The following TAOK1 variants were observed in gnomAD, a reference collection of about 807,000 sequenced individuals.
TAOK1 encodes the protein TAO kinase 1, also known as serine/threonine-protein kinase TAO1.
Under a neutral mutation model 138.3 loss-of-function variants are expected in TAOK1, and 21 were observed. That is an observed-to-expected ratio of 0.15 (90% CI 0.11 to 0.22). The LOEUF is 0.22. TAOK1 is among the 10% of genes least tolerant of loss of function. TAOK1 has a pLI of 1.00. For missense variants in TAOK1, 651 were observed against 1,227.7 expected (o/e 0.53, Z 7.02); for synonymous variants, 361 against 398.4 (o/e 0.91, Z 1.12).
chr17:29,430,287 C>A (rs147768509), intron 1 of TAOK1, among the ~76,000 whole-genome samples: 1 of 152,004 alleles, frequency 6.6e-6, no homozygotes, highest in Non-Finnish European at 1.5e-5. Context: ...GTTCAAATAC[C>A]CCCTAGAAGT....
At chr17:29,438,136 C>G (rs570972698) in intron 1 of TAOK1, among the ~76,000 whole-genome samples, 36 of 152,148 alleles carry the variant, frequency 2.4e-4, no homozygotes, top group African/African-American at 8.2e-4. Flanking sequence ...ACAAAACATT[C>G]ATATGTATAA....
intron 1 of TAOK1, among the ~76,000 whole-genome samples, chr17:29,393,741 A>G (rs1904501972): frequency 6.6e-6 from 1 of 152,202 alleles, no homozygotes; most frequent in African/African-American, 2.4e-5. Context: ...TAGGTGGAAG[A>G]ATTTCTGAGA....
At chr17:29,412,039 TTCTC>T (rs1050466609) in intron 1 of TAOK1, among the ~76,000 whole-genome samples, 4 of 151,494 alleles carry the variant, frequency 2.6e-5, no homozygotes, top group African/African-American at 9.7e-5. Context: ...CTCTCTCTCT[TTCTC>T]TCTCTCTTTC....
At chr17:29,536,481 T>C (rs2032225234) in intron 19 of TAOK1, among the ~76,000 whole-genome samples, 2 of 149,138 alleles carry the variant, frequency 1.3e-5, no homozygotes, top group South Asian at 4.2e-4. Flanking sequence ...GTGCCTATAG[T>C]CCCAACTACT....
At chr17:29,510,771 T>C in intron 14 of TAOK1, 93 bp from the exon 15 acceptor site, 3 of 924,222 alleles carry the variant, frequency 3.2e-6, no homozygotes, top group Non-Finnish European at 4.5e-6. Context: ...GATTTCTTGT[T>C]CTTAGAAAAT....
intron 19 of TAOK1, 66 bp downstream of exon 19, chr17:29,534,366 A>G (rs2032186696): frequency 7.3e-7 from 1 of 1,362,956 alleles, no homozygotes; most frequent in African/African-American, 1.5e-5. Context: ...TTTTATAAAT[A>G]TATTTTCATG....
chr17:29,531,985 C>G (rs990434901), intron 18 of TAOK1, among the ~76,000 whole-genome samples: 7 of 151,830 alleles, frequency 4.6e-5, no homozygotes, highest in African/African-American at 7.3e-5. Context: ...CTCAGCCTCC[C>G]GAATAGCTGA....
intron 1 of TAOK1, among the ~76,000 whole-genome samples, chr17:29,449,818 G>A (rs909992007): frequency 4.6e-5 from 7 of 152,190 alleles, no homozygotes; most frequent in East Asian, 1.9e-4. Context: ...TCCAGCCTGG[G>A]TGACAGAGTG....
Position 29,530,591 on chromosome 17 carries a change from G to A in TAOK1, c.2333G>A (p.Ser778Asn), listed in dbSNP as rs765037023. Residue 778 changes from serine (S) to asparagine (N), a missense_variant, in exon 18 of 20, where the codon AGC (serine) becomes AAC (asparagine). Transcript: ENST00000261716. ...LAILAEQYDH[S>N]INEMLSTQAL... ...ATCTTGGCTGAGCAGTATGATCACA[G>A]CATTAATGAAATGCTCTCCACACAA... is the stretch of plus-strand genomic sequence containing the variant. 1 of 1,614,120 alleles carries A rather than the reference G, an allele frequency of 6.2e-7. No individual in the cohort carries two copies.
At chr17:29,482,451 T>A (rs147645886) in intron 8 of TAOK1, among the ~76,000 whole-genome samples, 163 bp downstream of exon 8, 2 of 152,330 alleles carry the variant, frequency 1.3e-5, no homozygotes, top group African/African-American at 4.8e-5. Context: ...GTAAGTTTTA[T>A]TTATATTAGG....
intron 8 of TAOK1, 83 bp downstream of exon 8, chr17:29,482,371 G>T: frequency 9.2e-7 from 1 of 1,085,182 alleles, no homozygotes; most frequent in Non-Finnish European, 1.4e-6. Flanking sequence ...AAAAATTATA[G>T]ATTTTTATCT....
At position 29,518,802 on chromosome 17, in the gene TAOK1, T is replaced by C. The variant is rs975807345; in HGVS notation, c.1908+1146T>C. ...TATTTATTTTGAAACAGAGTCTCGC[T>C]CTTTCACCCAGGCTGAAGTACAGTG... On this transcript the variant is annotated intron_variant, in intron 16 of 19. Coordinates refer to ENST00000261716, the MANE Select transcript of TAOK1 (RefSeq NM_020791.4). Among the ~76,000 whole-genome samples the C allele has an allele frequency of 6.6e-5, 10 of 152,082 alleles. No individual in the cohort carries two copies. The East Asian group carries it at 1.9e-3, about 29-fold the overall frequency.
rs58117433 is a variant in TAOK1 at position 29,394,150 on chromosome 17, G to GTTTTTTTTTTTTTTTTTTTT, written c.-95+3140_-95+3159dup. On this transcript the variant is annotated intron_variant, in intron 1 of 19. Coordinates refer to ENST00000261716, the MANE Select transcript of TAOK1 (RefSeq NM_020791.4). Reference sequence around the variant, plus strand: ...TATGATTTATTTTAATAATTTGCCAGTTTTTTTTTTTTTTTTTTTTTTTTT... The same window carrying GTTTTTTTTTTTTTTTTTTTT: ...TATGATTTATTTTAATAATTTGCCAGTTTTTTTTTTTTTTTTTTTTTTTTTTTTTTTTTTTTTTTTTTTTT... 1.2e-4 allele frequency among the ~76,000 whole-genome samples: 6 copies of GTTTTTTTTTTTTTTTTTTTT among 48,248 alleles called. 1 individual carries two copies. Among genetic ancestry groups the GTTTTTTTTTTTTTTTTTTTT allele is most frequent in the African/African-American group, 2.4e-4 (3 of 12,740 alleles). 31.7% of individuals were successfully genotyped at this position (48,248 alleles called of 152,430 possible). A position where few individuals can be genotyped will look rare whatever the true frequency, so the allele number is the denominator to read the frequency against.
intron 1 of TAOK1, among the ~76,000 whole-genome samples, chr17:29,438,482 C>T (rs996651688): frequency 3.3e-5 from 5 of 152,066 alleles, no homozygotes; most frequent in African/African-American, 7.2e-5. Context: ...CTCAGAAGTT[C>T]GAGAATAGCG....
intron 1 of TAOK1, among the ~76,000 whole-genome samples, chr17:29,423,028 G>A (rs1215258319): frequency 2.0e-5 from 3 of 151,672 alleles, no homozygotes; most frequent in South Asian, 2.1e-4. Context: ...CCGTTTCAAC[G>A]ACAACAACAA....
intron 2 of TAOK1, among the ~76,000 whole-genome samples, chr17:29,453,705 T>G (rs1433088132): frequency 6.6e-6 from 1 of 151,468 alleles, no homozygotes; most frequent in Non-Finnish European, 1.5e-5. Context: ...ACCTCTCGAG[T>G]AGCTGGGATT....
chr17:29,393,045 C>T (rs1418892447), intron 1 of TAOK1, among the ~76,000 whole-genome samples: 1 of 151,852 alleles, frequency 6.6e-6, no homozygotes, highest in African/African-American at 2.4e-5. Flanking sequence ...TTTTAATGGT[C>T]ATCTCAATTC....
chr17:29,539,330 G>T (rs1451911797), intron 19 of TAOK1, among the ~76,000 whole-genome samples: 1 of 152,192 alleles, frequency 6.6e-6, no homozygotes, highest in Non-Finnish European at 1.5e-5. Flanking sequence ...GATCGCTTGA[G>T]ATCAGGAGTT....
At chr17:29,391,540 C>T (rs1904428369) in intron 1 of TAOK1, among the ~76,000 whole-genome samples, 1 of 152,222 alleles carries the variant, frequency 6.6e-6, no homozygotes, top group Non-Finnish European at 1.5e-5. Flanking sequence ...TGCAATGCTG[C>T]AGAAGTCCAA....
Sources: allele counts gnomAD v4.1 joint callset (sites outside exome capture counted in the v4.1 genomes callset), GRCh38; gene constraint gnomAD v4.1.1; transcripts MANE v1.5; gene names NCBI Gene and HGNC (gene_info 2026-07-23, HGNC 2026-07-21).